SCAI: variants seen among roughly 807,000 people sequenced by gnomAD.
The protein encoded by SCAI is suppressor of cancer cell invasion.
SCAI carries 24 observed loss-of-function variants against 92.2 expected under a neutral mutation model. That is an observed-to-expected ratio of 0.26 (90% CI 0.19 to 0.37). SCAI has a LOEUF of 0.37. Among genes scored for constraint, SCAI ranks in the 10% least tolerant of loss-of-function variants. The pLI, the probability that SCAI is intolerant of heterozygous loss-of-function variation, is 1.00. For synonymous variants in SCAI, 261 were observed against 258.6 expected (o/e 1.01, Z -0.09); for missense variants, 450 against 736.2 (o/e 0.61, Z 4.50).
intron 2 of SCAI, among the ~76,000 whole-genome samples, chr9:125,096,828 G>A (rs1007177593): frequency 2.6e-4 from 40 of 152,140 alleles, no homozygotes; most frequent in African/African-American, 7.5e-4. Context: ...TCTCTTAAAC[G>A]AAAATGAAAT....
At position 125,046,330 on chromosome 9, in the gene SCAI, CACATAT is replaced by C. The variant is rs1431923951; in HGVS notation, c.230+9540_230+9545del. ...TCATATATATATACACACACACACA[CACATAT>C]ATATATGTGTGTGTGTGTATATATA... On this transcript the variant is annotated intron_variant, in intron 3 of 17. Coordinates refer to ENST00000336505, the MANE Select transcript of SCAI (RefSeq NM_001144877.3). 1.0e-4 allele frequency among the ~76,000 whole-genome samples: 3 copies of C among 29,146 alleles called. No individual in the cohort carries two copies. The East Asian group carries it at 4.3e-3, about 41-fold the overall frequency. The allele number at this position is 29,146 out of a possible 152,430, so 19.1% of individuals were successfully genotyped here.
intron 2 of SCAI, among the ~76,000 whole-genome samples, chr9:125,140,357 G>A (rs1256731910): frequency 2.6e-5 from 4 of 151,866 alleles, no homozygotes; most frequent in African/African-American, 9.7e-5. Context: ...TTGAAACCCC[G>A]TCTCTACTAA....
intron 6 of SCAI, among the ~76,000 whole-genome samples, chr9:125,025,557 G>A (rs567441310): frequency 6.6e-5 from 10 of 152,070 alleles, no homozygotes; most frequent in Non-Finnish European, 1.0e-4. Context: ...AATTTATCTC[G>A]CCAAGAATTT....
intron 17 of SCAI, among the ~76,000 whole-genome samples, chr9:124,961,741 C>T (rs970490160): frequency 2.6e-5 from 4 of 151,454 alleles, no homozygotes; most frequent in Non-Finnish European, 4.4e-5. Flanking sequence ...GACCCCTGAA[C>T]AATGCAGGGG....
rs1364707384 is a variant in SCAI, at chr9:125,117,778, A to G, written c.98+24855T>C. ...TTTTATGGGACTTCAATAAACCCTC[A>G]CAGGAAATTATCTCTACCAAGTTTT... On this transcript the variant is annotated intron_variant, in intron 2 of 17. Coordinates refer to ENST00000336505, the MANE Select transcript of SCAI (RefSeq NM_001144877.3). Among the ~76,000 whole-genome samples, 5 of 151,720 alleles carry G rather than the reference A, an allele frequency of 3.3e-5. No individual in the cohort carries two copies. The East Asian group carries it at 9.6e-4, about 29-fold the overall frequency.
intron 17 of SCAI, among the ~76,000 whole-genome samples, chr9:124,964,598 T>C (rs1588120030): frequency 6.6e-6 from 1 of 152,112 alleles, no homozygotes; most frequent in African/African-American, 2.4e-5. Flanking sequence ...ACCTTAAAGG[T>C]CCTTAGGACC....
chr9:124,989,938 G>A (rs1832083888), intron 14 of SCAI, among the ~76,000 whole-genome samples: 1 of 151,762 alleles, frequency 6.6e-6, no homozygotes, highest in Non-Finnish European at 1.5e-5. Flanking sequence ...ACGTTGGGAG[G>A]CCAAGGTGGG....
At chr9:125,102,439 G>C (rs902710619) in intron 2 of SCAI, among the ~76,000 whole-genome samples, 6 of 151,908 alleles carry the variant, frequency 3.9e-5, no homozygotes, top group Non-Finnish European at 8.8e-5. Flanking sequence ...CTTTCATAAA[G>C]ATCAGCTGCT....
chr9:125,085,434 C>G (rs1834306970), intron 2 of SCAI, among the ~76,000 whole-genome samples: 2 of 152,078 alleles, frequency 1.3e-5, no homozygotes, highest in Non-Finnish European at 2.9e-5. Flanking sequence ...CTGCAGTGAG[C>G]CGAGAGTGCA....
intron 3 of SCAI, among the ~76,000 whole-genome samples, chr9:125,047,425 C>T (rs1305629276): frequency 6.6e-6 from 1 of 152,164 alleles, no homozygotes; most frequent in African/African-American, 2.4e-5. Flanking sequence ...GCTACTCAGT[C>T]TATGGCACCT....
At chr9:125,046,277 A>G (rs1468970253) in intron 3 of SCAI, among the ~76,000 whole-genome samples, 4 of 115,558 alleles carry the variant, frequency 3.5e-5, no homozygotes, top group Admixed American at 8.6e-5. Flanking sequence ...ACACACATAT[A>G]TATATTTCAT....
At chr9:125,073,664 T>C (rs189018789) in intron 2 of SCAI, among the ~76,000 whole-genome samples, 1 of 152,320 alleles carries the variant, frequency 6.6e-6, no homozygotes, top group East Asian at 1.9e-4. Flanking sequence ...TGGAGCAATG[T>C]CTATCCTATG....
At chr9:125,072,081 T>C (rs1171636426) in intron 2 of SCAI, among the ~76,000 whole-genome samples, 3 of 151,268 alleles carry the variant, frequency 2.0e-5, no homozygotes, top group African/African-American at 4.9e-5. Flanking sequence ...TGGAGTGCAG[T>C]GGTGCAATCT....
intron 2 of SCAI, among the ~76,000 whole-genome samples, chr9:125,079,537 C>A (rs1196299757): frequency 3.3e-5 from 5 of 152,084 alleles, no homozygotes; most frequent in African/African-American, 2.4e-5. Flanking sequence ...TGCTATACTG[C>A]CTAATCAAAT....
chr9:124,980,944 T>C (rs868724750), intron 14 of SCAI, among the ~76,000 whole-genome samples: 1 of 152,134 alleles, frequency 6.6e-6, no homozygotes, highest in Non-Finnish European at 1.5e-5. Context: ...GCCTGAGAAA[T>C]AGTTTCTTTA....
At chr9:124,967,498 G>A (rs747647580) in intron 17 of SCAI, among the ~76,000 whole-genome samples, 3 of 152,102 alleles carry the variant, frequency 2.0e-5, no homozygotes, top group East Asian at 1.9e-4. Context: ...GCCCCTTCAC[G>A]TTTACAAAGC....
Position 124,950,020 on chromosome 9 carries a change from G to A in SCAI, c.*2787C>T, listed in dbSNP as rs1175282214. The A allele has an allele frequency of 6.6e-6, 1 of 152,138 alleles. No individual in the cohort carries two copies. The highest frequency in any genetic ancestry group is 1.9e-4 in the East Asian group (1 of 5,194). The allele number at this position is 152,138 out of a possible 1,614,324, so 9.4% of individuals were successfully genotyped here. A position where few individuals can be genotyped will look rare whatever the true frequency, so the allele number is the denominator to read the frequency against. ...GGGCAACATCATAAGGGTCAATGTTGTGATTTCTAAGACCCTCATTTTTAG... is the reference window on the plus strand; with the variant it reads ...GGGCAACATCATAAGGGTCAATGTTATGATTTCTAAGACCCTCATTTTTAG... On this transcript the variant is annotated 3_prime_UTR_variant, in exon 18 of 18. Coordinates refer to ENST00000336505, the MANE Select transcript of SCAI (RefSeq NM_001144877.3).
intron 5 of SCAI, among the ~76,000 whole-genome samples, chr9:125,027,704 G>A (rs1385177093): frequency 2.0e-5 from 3 of 152,032 alleles, no homozygotes; most frequent in African/African-American, 7.2e-5. Context: ...TGTCTTTTTA[G>A]TAGAGACGGG....
At chr9:125,052,966 A>G (rs1226021384) in intron 3 of SCAI, among the ~76,000 whole-genome samples, 4 of 152,126 alleles carry the variant, frequency 2.6e-5, no homozygotes, top group Non-Finnish European at 5.9e-5. Flanking sequence ...AGAACACATT[A>G]CTGGTGATGA....
Sources: gnomAD v4.1 joint callset for allele counts (sites outside exome capture counted in the v4.1 genomes callset) on GRCh38, gnomAD v4.1.1 for gene constraint, MANE v1.5 for transcripts, NCBI Gene and HGNC (gene_info 2026-07-23, HGNC 2026-07-21) for gene names.